Variants in SH3PXD2B observed in about 807,000 individuals in gnomAD.
The protein encoded by SH3PXD2B is SH3 and PX domains 2B, also known as SH3 and PX domain-containing protein 2B.
A neutral mutation model predicts 73.1 loss-of-function variants in SH3PXD2B; 37 were observed. The ratio of observed to expected loss-of-function variants is 0.51; its 90% CI spans 0.39 to 0.67. The LOEUF is 0.67. SH3PXD2B is among the 30% of genes least tolerant of loss of function. The pLI, the probability that SH3PXD2B is intolerant of heterozygous loss-of-function variation, is 0.00. For missense variants in SH3PXD2B, 1,053 were observed against 1,197.8 expected (o/e 0.88, Z 1.78); for synonymous variants, 457 against 480.5 (o/e 0.95, Z 0.64).
chr5:172,406,093 T>C (rs905491571), intron 3 of SH3PXD2B, among the ~76,000 whole-genome samples, 184 bp downstream of exon 3: 2 of 152,214 alleles, frequency 1.3e-5, no homozygotes, highest in Non-Finnish European at 2.9e-5. Flanking sequence ...TTTTCACTCA[T>C]GTAAAAATAC....
intron 1 of SH3PXD2B, among the ~76,000 whole-genome samples, chr5:172,450,674 C>G (rs1759774497): frequency 6.6e-6 from 1 of 152,084 alleles, no homozygotes; most frequent in African/African-American, 2.4e-5. Context: ...TGCCGAGACA[C>G]TAATGCTTCT....
chr5:172,397,305 G>A (rs1758324045), intron 3 of SH3PXD2B, among the ~76,000 whole-genome samples: 1 of 152,152 alleles, frequency 6.6e-6, no homozygotes, highest in African/African-American at 2.4e-5. Context: ...CCTGTCTCCT[G>A]ATAAGGTGTT....
At chr5:172,412,831 A>C (rs1485549801) in intron 2 of SH3PXD2B, among the ~76,000 whole-genome samples, 1 of 152,194 alleles carries the variant, frequency 6.6e-6, no homozygotes, top group Non-Finnish European at 1.5e-5. Flanking sequence ...CAGATAACAA[A>C]AGAAGTGGCG....
At chr5:172,348,595 T>C (rs1393976710) in intron 10 of SH3PXD2B, among the ~76,000 whole-genome samples, 1 of 147,766 alleles carries the variant, frequency 6.8e-6, no homozygotes, top group East Asian at 2.0e-4. Flanking sequence ...GGTAGGGGGG[T>C]GTCTTTGTTT....
In SH3PXD2B at chr5:172,327,752, GTT is replaced by G. The variant is rs3053146; in HGVS notation, c.1189-2374_1189-2373del. Among the ~76,000 whole-genome samples, 216 of 142,406 alleles carry G rather than the reference GTT, an allele frequency of 1.5e-3. 2 individuals carry two copies. The highest frequency in any genetic ancestry group is 5.6e-3 in the African/African-American group (207 of 36,764). 93.4% of individuals were successfully genotyped at this position (142,406 alleles called of 152,430 possible). On this transcript the variant is annotated intron_variant, in intron 12 of 12. Transcript: ENST00000519643. ...TACGGGTGCATACCACTGCAACTGG[GTT>G]TTTTTTTTTTTTTTTTTTGAGATGG...
downstream of SH3PXD2B, among the ~76,000 whole-genome samples, chr5:172,333,049 C>T (rs554483524): frequency 5.7e-4 from 87 of 152,034 alleles, no homozygotes; most frequent in African/African-American, 2.1e-3. Flanking sequence ...AATTCTCCTG[C>T]CTCAGCCTCC....
chr5:172,362,950 G>C (rs1300714675), intron 6 of SH3PXD2B, 81 bp from the exon 7 acceptor site: 17 of 1,577,214 alleles, frequency 1.1e-5, no homozygotes, highest in Non-Finnish European at 1.5e-5. Context: ...GGCGGGTCAA[G>C]AGGACGTTCC....
Position 172,334,552 on chromosome 5 carries a change from G to A in SH3PXD2B, c.*3817C>T, listed in dbSNP as rs1056066730. 3 of 985,454 alleles carry A rather than the reference G, an allele frequency of 3.0e-6. No individual in the cohort carries two copies. Among genetic ancestry groups the A allele is most frequent in the Non-Finnish European group, 3.6e-6 (3 of 830,074 alleles). The allele number at this position is 985,454 out of a possible 1,614,324, so 61.0% of individuals were successfully genotyped here. On this transcript the variant is annotated 3_prime_UTR_variant, in exon 13 of 13. Transcript: ENST00000311601. ...AGCCACACATGGCTCAGGCTGTTAGGTGTCCACTGTCACAGTCCAAAGAGA... is the reference window on the plus strand; with the variant it reads ...AGCCACACATGGCTCAGGCTGTTAGATGTCCACTGTCACAGTCCAAAGAGA...
At chr5:172,373,681 C>T in intron 6 of SH3PXD2B, 109 bp downstream of exon 6, 3 of 1,281,078 alleles carry the variant, frequency 2.3e-6, no homozygotes, top group Non-Finnish European at 3.3e-6. Flanking sequence ...ATCCACCCAT[C>T]CACATCACTG....
chr5:172,336,748 A>C lies in SH3PXD2B; in HGVS notation c.*1621T>G. 3.0e-6 allele frequency: 3 copies of C among 985,404 alleles called. No homozygotes were observed. Among genetic ancestry groups the C allele is most frequent in the Non-Finnish European group, 3.6e-6 (3 of 830,148 alleles). The allele number at this position is 985,404 out of a possible 1,614,324, so 61.0% of individuals were successfully genotyped here. Reference sequence around the variant, plus strand: ...GGCTGCCTCGGTCGGGTAGAATGGGAAGGGGTTCTGCTCTGCTCTCTTACT... The same window carrying C: ...GGCTGCCTCGGTCGGGTAGAATGGGCAGGGGTTCTGCTCTGCTCTCTTACT... On this transcript the variant is annotated 3_prime_UTR_variant, in exon 13 of 13. Transcript: ENST00000311601.
chr5:172,396,953 G>GA (rs1255093189), intron 3 of SH3PXD2B, among the ~76,000 whole-genome samples: 16 of 151,970 alleles, frequency 1.1e-4, no homozygotes, highest in African/African-American at 3.6e-4. Flanking sequence ...AAAAAAGAAA[G>GA]AAAAAAATGT....
At chr5:172,433,280 A>G (rs187087141) in intron 1 of SH3PXD2B, among the ~76,000 whole-genome samples, 133 of 152,218 alleles carry the variant, frequency 8.7e-4, no homozygotes, top group African/African-American at 3.0e-3. Flanking sequence ...ACACACTGTG[A>G]TATTCACGTG....
intron 1 of SH3PXD2B, among the ~76,000 whole-genome samples, chr5:172,423,280 T>C (rs568832796): frequency 6.6e-6 from 1 of 152,280 alleles, no homozygotes; most frequent in South Asian, 2.1e-4. Flanking sequence ...CTGTGACCCA[T>C]TCCTGGACTG....
intron 7 of SH3PXD2B, among the ~76,000 whole-genome samples, chr5:172,359,387 C>CAAAAAA (rs70982393): frequency 0.013 from 1,062 of 84,024 alleles, 63 homozygotes; most frequent in African/African-American, 0.037. Flanking sequence ...ACCCCCATCT[C>CAAAAAA]AAAAAAAAAA....
At chr5:172,416,007 A>T (rs1171974623) in intron 2 of SH3PXD2B, among the ~76,000 whole-genome samples, 1 of 152,104 alleles carries the variant, frequency 6.6e-6, no homozygotes, top group African/African-American at 2.4e-5. Flanking sequence ...AAGTCAGGAA[A>T]CCAAGTTGGA....
At chr5:172,380,832 G>A (rs1438084032) in intron 5 of SH3PXD2B, among the ~76,000 whole-genome samples, 3 of 152,170 alleles carry the variant, frequency 2.0e-5, no homozygotes, top group East Asian at 1.9e-4. Context: ...TACTCGCTCC[G>A]TGCTCGTCAC....
At chr5:172,345,849 T>A (rs1756985837) in intron 12 of SH3PXD2B, among the ~76,000 whole-genome samples, 1 of 152,174 alleles carries the variant, frequency 6.6e-6, no homozygotes, top group Non-Finnish European at 1.5e-5. Flanking sequence ...GGTGGCTGCC[T>A]AGGGGCTGGC....
chr5:172,378,046 C>T (rs944837265), intron 5 of SH3PXD2B, among the ~76,000 whole-genome samples: 3 of 151,944 alleles, frequency 2.0e-5, no homozygotes, highest in Non-Finnish European at 4.4e-5. Flanking sequence ...GCCTCTGCCA[C>T]CAAAGAGAGG....
chr5:172,353,149 G>A lies in SH3PXD2B; in HGVS notation c.785+739C>T, dbSNP rs4540196. Among the ~76,000 whole-genome samples the A allele has an allele frequency of 5.4e-3, 818 of 152,298 alleles. 11 individuals are homozygous for A. The highest frequency in any genetic ancestry group is 0.019 in the African/African-American group (782 of 41,554). ...GGCCCAACAGAGATTCTTGGTGTGC[G>A]TTTGTTGAATGAATGAATGAATGCA... On this transcript the variant is annotated intron_variant, in intron 9 of 12. Coordinates refer to ENST00000311601, the MANE Select transcript of SH3PXD2B (RefSeq NM_001017995.3). This position sits in a 1 kb window ranked among gnomAD's most constrained non-coding sequence, Gnocchi z 4.3.
Sources: gnomAD v4.1 joint callset for allele counts (sites outside exome capture counted in the v4.1 genomes callset) on GRCh38, gnomAD v4.1.1 for gene constraint, Gnocchi (gnomAD v3.1) non-coding constraint, MANE v1.5 for transcripts, NCBI Gene and HGNC (gene_info 2026-07-23, HGNC 2026-07-21) for gene names.